Variants in GALNT13 observed in about 807,000 individuals in gnomAD.
The protein encoded by GALNT13 is polypeptide N-acetylgalactosaminyltransferase 13, also known as UDP-GalNAc:polypeptide N-acetylgalactosaminyltransferase 13.
A neutral mutation model predicts 64.2 loss-of-function variants in GALNT13; 28 were observed. That is an observed-to-expected ratio of 0.44 (90% CI 0.32 to 0.60). GALNT13 has a LOEUF of 0.60. Among genes scored for constraint, GALNT13 ranks in the 20% least tolerant of loss-of-function variants. The pLI, the probability that GALNT13 is intolerant of heterozygous loss-of-function variation, is 0.05. For missense variants in GALNT13, 577 were observed against 669.8 expected (o/e 0.86, Z 1.53); for synonymous variants, 214 against 224.6 (o/e 0.95, Z 0.42).
the GALNT13 span, among the ~76,000 whole-genome samples, chr2:153,117,987 A>G: frequency 1.4e-4 from 22 of 152,060 alleles, no homozygotes; most frequent in Non-Finnish European, 2.4e-4. Context: ...CTTATTATCT[A>G]TTATCTTTTC....
chr2:154,379,303 T>A (rs891322605), intron 9 of GALNT13, among the ~76,000 whole-genome samples: 6 of 151,020 alleles, frequency 4.0e-5, no homozygotes, highest in African/African-American at 1.5e-4. Flanking sequence ...CTTTCTCTAC[T>A]TTTTTTTAGA....
At chr2:153,363,660 A>G in the GALNT13 span, among the ~76,000 whole-genome samples, 2 of 152,222 alleles carry the variant, frequency 1.3e-5, no homozygotes, top group Non-Finnish European at 2.9e-5. Context: ...TCCTGGACAT[A>G]TACACCATCC....
At position 154,113,732 on chromosome 2, in the gene GALNT13, A is replaced by G. The variant is rs115741755; in HGVS notation, c.143-26605A>G. On this transcript the variant is annotated intron_variant, in intron 3 of 12. Coordinates refer to ENST00000392825, the MANE Select transcript of GALNT13 (RefSeq NM_052917.4). ...GTAATGGACAAGTGTGATATCTTGC[A>G]GAAGTGAAGTGATCATGGTCTCTCT... 4.6e-3 allele frequency among the ~76,000 whole-genome samples: 699 copies of G among 152,366 alleles called. 5 individuals carry two copies. Among genetic ancestry groups the G allele is most frequent in the African/African-American group, 0.016 (657 of 41,588 alleles).
chr2:154,187,625 T>G (rs1426124275), intron 4 of GALNT13, among the ~76,000 whole-genome samples: 3 of 152,100 alleles, frequency 2.0e-5, no homozygotes. Context: ...TTACACTACA[T>G]GACTCATTAA....
intron 12 of GALNT13, chr2:154,446,728 G>A (rs868359263): frequency 6.5e-7 from 1 of 1,542,604 alleles, no homozygotes; most frequent in Non-Finnish European, 8.8e-7. Flanking sequence ...AATATTTTTG[G>A]GAATTCTACT....
chr2:153,307,049 C>T, the GALNT13 span, among the ~76,000 whole-genome samples: 1 of 152,146 alleles, frequency 6.6e-6, no homozygotes, highest in Non-Finnish European at 1.5e-5. Flanking sequence ...GCTTTTTTCG[C>T]TTAGAAAGTC....
chr2:153,884,801 A>ATGTGTG (rs753065559), intron 1 of GALNT13, among the ~76,000 whole-genome samples: 3 of 104,946 alleles, frequency 2.9e-5, no homozygotes, highest in Non-Finnish European at 5.5e-5. Context: ...GTGTATATAT[A>ATGTGTG]TATATGTGTG....
intron 11 of GALNT13, chr2:154,437,683 C>T (rs1701052660): frequency 4.4e-6 from 2 of 457,384 alleles, no homozygotes; most frequent in African/African-American, 4.0e-5. Flanking sequence ...AGTGAAACCC[C>T]GTCTCTACTA....
chr2:153,088,105 C>G, the GALNT13 span, among the ~76,000 whole-genome samples: 308 of 151,880 alleles, frequency 2.0e-3, no homozygotes, highest in African/African-American at 6.2e-3. Context: ...GGCATTTAAT[C>G]CTATGAACTT....
chr2:153,213,624 T>C, the GALNT13 span, among the ~76,000 whole-genome samples: 1 of 152,134 alleles, frequency 6.6e-6, no homozygotes, highest in East Asian at 1.9e-4. Flanking sequence ...ACCTAATATA[T>C]TGGAAAGAGC....
chr2:153,979,803 T>A (rs535383416), intron 3 of GALNT13, among the ~76,000 whole-genome samples: 1 of 152,294 alleles, frequency 6.6e-6, no homozygotes, highest in East Asian at 1.9e-4. Flanking sequence ...ATATGTATGC[T>A]TTTTGCCGAG....
At chr2:153,587,249 T>A in the GALNT13 span, among the ~76,000 whole-genome samples, 12 of 116,402 alleles carry the variant, frequency 1.0e-4, no homozygotes, top group South Asian at 5.4e-4. Flanking sequence ...AAAAAAAAAA[T>A]TAACACAGAA....
At chr2:153,294,469 T>A in the GALNT13 span, among the ~76,000 whole-genome samples, 3 of 152,184 alleles carry the variant, frequency 2.0e-5, no homozygotes, top group Non-Finnish European at 2.9e-5. Flanking sequence ...CATGTTGAAT[T>A]TTACTTATTT....
the GALNT13 span, among the ~76,000 whole-genome samples, chr2:153,163,736 C>T: frequency 6.6e-6 from 1 of 152,164 alleles, no homozygotes; most frequent in South Asian, 2.1e-4. Context: ...TGTGGTCAGG[C>T]TGGCCGGACG....
the GALNT13 span, among the ~76,000 whole-genome samples, chr2:153,648,323 T>A: frequency 6.6e-6 from 1 of 152,222 alleles, no homozygotes; most frequent in Admixed American, 6.5e-5. Context: ...TTTTGTATCC[T>A]GAGACTTTGC....
At chr2:154,190,167 T>G (rs1686496020) in intron 4 of GALNT13, among the ~76,000 whole-genome samples, 1 of 152,148 alleles carries the variant, frequency 6.6e-6, no homozygotes, top group Admixed American at 6.5e-5. Flanking sequence ...GATTTAATAG[T>G]GCAGTGTTAT....
chr2:153,845,890 A>G, the GALNT13 span, among the ~76,000 whole-genome samples: 1 of 152,196 alleles, frequency 6.6e-6, no homozygotes, highest in Admixed American at 6.5e-5. Context: ...AAAAGAATAA[A>G]CAATAAGAGC....
chr2:154,241,744 G>A (rs140454325), intron 4 of GALNT13, among the ~76,000 whole-genome samples: 27 of 152,182 alleles, frequency 1.8e-4, no homozygotes, highest in African/African-American at 6.5e-4. Context: ...GTTTCAGAAT[G>A]TTATTTTATA....
the GALNT13 span, among the ~76,000 whole-genome samples, chr2:153,854,690 C>T: frequency 6.6e-6 from 1 of 151,952 alleles, no homozygotes; most frequent in African/African-American, 2.4e-5. Flanking sequence ...TAAATGGAAA[C>T]ATATACTATG....
Sources: allele counts gnomAD v4.1 joint callset (sites outside exome capture counted in the v4.1 genomes callset), GRCh38; gene constraint gnomAD v4.1.1; transcripts MANE v1.5; gene names NCBI Gene and HGNC (gene_info 2026-07-23, HGNC 2026-07-21).